Variants in DGKH observed in about 807,000 individuals in gnomAD.
The protein encoded by DGKH is DAG kinase eta.
In DGKH, 90 loss-of-function variants were observed where a neutral mutation model predicts 159.3. The observed-to-expected ratio is 0.57, with a 90% CI of 0.48 to 0.67. The LOEUF is 0.67. Among genes scored for constraint, DGKH ranks in the 30% least tolerant of loss-of-function variants. The pLI is 0.00. For synonymous variants in DGKH, 536 were observed against 553.8 expected (o/e 0.97, Z 0.45); for missense variants, 1,181 against 1,506.1 (o/e 0.78, Z 3.57).
chr13:42,220,965 T>A (rs1354243956), intron 28 of DGKH, among the ~76,000 whole-genome samples: 2 of 152,204 alleles, frequency 1.3e-5, no homozygotes, highest in Non-Finnish European at 2.9e-5. Flanking sequence ...ATCCTAATGA[T>A]GTGAAATACA....
At chr13:42,151,613 A>ACACC (rs1555266645) in intron 3 of DGKH, among the ~76,000 whole-genome samples, 2,537 of 111,890 alleles carry the variant, frequency 0.023, 32 homozygotes, top group Non-Finnish European at 0.031. Context: ...ACACACACAC[A>ACACC]CCCCATGGAA....
intron 1 of DGKH, among the ~76,000 whole-genome samples, chr13:42,087,094 G>C (rs1204674295): frequency 7.9e-5 from 10 of 125,938 alleles, no homozygotes; most frequent in African/African-American, 2.4e-4. Flanking sequence ...CCTCAGAACA[G>C]AGTAGGCACA....
intron 1 of DGKH, among the ~76,000 whole-genome samples, chr13:42,074,567 CAT>C (rs1181006403): frequency 2.0e-5 from 3 of 152,286 alleles, no homozygotes; most frequent in Non-Finnish European, 2.9e-5. Context: ...CCTACCTTGG[CAT>C]ACAGGCTATA....
chr13:42,121,096 G>A (rs1352751745), intron 1 of DGKH, among the ~76,000 whole-genome samples: 1 of 84,542 alleles, frequency 1.2e-5, no homozygotes, highest in Non-Finnish European at 2.8e-5. Flanking sequence ...CACACAACAT[G>A]CGCACACACA....
downstream of DGKH, among the ~76,000 whole-genome samples, chr13:42,243,856 C>G (rs755468659): frequency 6.6e-6 from 1 of 152,138 alleles, no homozygotes; most frequent in Non-Finnish European, 1.5e-5. Flanking sequence ...CTGGCCAAAT[C>G]CGTGACTTCT....
In DGKH at chr13:42,241,516, A is replaced by G. The variant is rs1440382865; in HGVS notation, c.*12328A>G. The G allele has an allele frequency of 6.6e-6, 1 of 152,268 alleles. No individual in the cohort carries two copies. Among genetic ancestry groups the G allele is most frequent in the Non-Finnish European group, 1.5e-5 (1 of 68,036 alleles). 9.4% of individuals were successfully genotyped at this position (152,268 alleles called of 1,614,324 possible). On this transcript the variant is annotated 3_prime_UTR_variant, in exon 30 of 30. Transcript: ENST00000337343. The stretch of plus-strand genomic sequence containing the variant: ...ATCAATCCTATTTCCACAGCCGTAC[A>G]TGTGATCCCAGTGACTGATAGATCT...
intron 12 of DGKH, 76 bp downstream of exon 12, chr13:42,174,220 A>C: frequency 2.5e-6 from 3 of 1,195,152 alleles, no homozygotes; most frequent in Non-Finnish European, 3.7e-6. Context: ...GAGAGAGAAA[A>C]TGTACTCCTA....
At chr13:42,206,975 T>TTTCTTTCTTTC (rs1555275938) in intron 21 of DGKH, among the ~76,000 whole-genome samples, 1 of 82,310 alleles carries the variant, frequency 1.2e-5, no homozygotes, top group African/African-American at 5.0e-5. Flanking sequence ...TACTTTTACT[T>TTTCTTTCTTTC]TTTCTTTCTT....
At chr13:42,066,778 C>G (rs1377663668) in intron 1 of DGKH, 1 of 151,998 alleles carries the variant, frequency 6.6e-6, no homozygotes, top group Non-Finnish European at 1.5e-5. Flanking sequence ...TACAGCGGCC[C>G]CCTGTGCGGA....
chr13:42,255,915 T>C (rs1001534873), intron 30 of DGKH: 2 of 1,587,408 alleles, frequency 1.3e-6, no homozygotes, highest in Non-Finnish European at 1.7e-6. Flanking sequence ...GGCTTGCCTT[T>C]TGTCACTGCT....
chr13:42,112,909 C>A (rs182023016), intron 1 of DGKH, among the ~76,000 whole-genome samples: 87 of 152,318 alleles, frequency 5.7e-4, no homozygotes, highest in African/African-American at 2.0e-3. Flanking sequence ...CCAGAAATTT[C>A]CCAGCACACA....
chr13:42,151,451 C>G (rs1955879669), intron 3 of DGKH, among the ~76,000 whole-genome samples: 1 of 142,382 alleles, frequency 7.0e-6, no homozygotes, highest in Non-Finnish European at 1.5e-5. Flanking sequence ...TGATTTTATT[C>G]TTTTTTGTGA....
chr13:42,254,854 C>T (rs1261246913), intron 30 of DGKH, among the ~76,000 whole-genome samples: 1 of 151,986 alleles, frequency 6.6e-6, no homozygotes, highest in Non-Finnish European at 1.5e-5. Flanking sequence ...AATTAGAGAT[C>T]ATTTTCAAAT....
Position 42,190,386 on chromosome 13 carries a change from C to G in DGKH, c.1913-17C>G. ...ATTTTCACTTATCCAAACTATTTGTCTTCTTACTACCTGAAGTTATGGATG... is the reference window on the plus strand; with the variant it reads ...ATTTTCACTTATCCAAACTATTTGTGTTCTTACTACCTGAAGTTATGGATG... On this transcript the variant is annotated splice_polypyrimidine_tract_variant and intron_variant, in intron 15 of 29. Coordinates refer to ENST00000337343, the MANE Select transcript of DGKH (RefSeq NM_178009.5). 1.2e-6 allele frequency: 2 copies of G among 1,600,672 alleles called. No homozygotes were observed. The highest frequency in any genetic ancestry group is 1.7e-6 in the Non-Finnish European group (2 of 1,175,660).
intron 1 of DGKH, among the ~76,000 whole-genome samples, chr13:42,055,806 TG>T (rs1881715031): frequency 6.6e-6 from 1 of 152,224 alleles, no homozygotes; most frequent in Non-Finnish European, 1.5e-5. Flanking sequence ...CAAATTTGTT[TG>T]GTTTTGTTGG....
intron 1 of DGKH, among the ~76,000 whole-genome samples, chr13:42,063,730 A>G (rs1234732572): frequency 6.6e-6 from 1 of 152,150 alleles, no homozygotes; most frequent in Non-Finnish European, 1.5e-5. Flanking sequence ...ACCTGAGGTC[A>G]GGAGTTCGAG....
At chr13:42,245,144 T>TA (rs971017642), downstream of DGKH, among the ~76,000 whole-genome samples, 1 of 152,092 alleles carries the variant, frequency 6.6e-6, no homozygotes, top group African/African-American at 2.4e-5. Flanking sequence ...TTGCATTAGT[T>TA]CTAAATGAGA....
At chr13:42,151,548 C>CGTGTATATATATATATACAT in intron 3 of DGKH, among the ~76,000 whole-genome samples, 1 of 106,214 alleles carries the variant, frequency 9.4e-6, no homozygotes, top group South Asian at 4.5e-4. Context: ...TATATATACA[C>CGTGTATATATATATATACAT]GTGTATATAT....
In DGKH at chr13:42,232,603, A is replaced by C. The variant is rs967111853; in HGVS notation, c.*3415A>C. ...AATGACCCCTTTCATTTCTCGCTTAAGCATACATGGTGGGTCATTTAACTA... is the reference window on the plus strand; with the variant it reads ...AATGACCCCTTTCATTTCTCGCTTACGCATACATGGTGGGTCATTTAACTA... On this transcript the variant is annotated 3_prime_UTR_variant, in exon 30 of 30. Transcript: ENST00000337343. The C allele has an allele frequency of 1.3e-5, 2 of 152,182 alleles. No homozygotes were observed. Among genetic ancestry groups the C allele is most frequent in the African/African-American group, 2.4e-5 (1 of 41,442 alleles). 9.4% of individuals were successfully genotyped at this position (152,182 alleles called of 1,614,324 possible). A position where few individuals can be genotyped will look rare whatever the true frequency, so the allele number is the denominator to read the frequency against.
Sources: gnomAD v4.1 joint callset for allele counts (sites outside exome capture counted in the v4.1 genomes callset) on GRCh38, gnomAD v4.1.1 for gene constraint, MANE v1.5 for transcripts, NCBI Gene and HGNC (gene_info 2026-07-23, HGNC 2026-07-21) for gene names.